Variants in TFCP2 observed in about 807,000 individuals in gnomAD.
TFCP2 encodes the protein transcription factor CP2.
In TFCP2, 33 loss-of-function variants were observed where a neutral mutation model predicts 73.4. That is an observed-to-expected ratio of 0.45 (90% CI 0.34 to 0.60). The LOEUF is 0.60. Ranked by LOEUF, TFCP2 falls within the 20% of genes least tolerant of loss-of-function variation. The pLI is 0.01. For synonymous variants in TFCP2, 193 were observed against 211.6 expected, an observed-to-expected ratio of 0.91 and a Z score of 0.76; for missense variants, 352 against 604.0, an observed-to-expected ratio of 0.58 and a Z score of 4.37.
At chr12:51,132,665 G>A (rs374225931) in intron 1 of TFCP2, among the ~76,000 whole-genome samples, 88 of 152,064 alleles carry the variant, frequency 5.8e-4, no homozygotes, top group African/African-American at 1.7e-3. Context: ...CACCGTGCCC[G>A]GCCGGGTCTA....
Position 51,093,938 on chromosome 12 carries a change from A to C in TFCP2, c.*1303T>G, listed in dbSNP as rs1939891263. 6.6e-6 allele frequency: 1 copy of C among 151,914 alleles called. No homozygotes were observed. The highest frequency in any genetic ancestry group is 6.6e-5 in the Admixed American group (1 of 15,224). The allele number at this position is 151,914 out of a possible 1,614,324, so 9.4% of individuals were successfully genotyped here. A position where few individuals can be genotyped will look rare whatever the true frequency, so the allele number is the denominator to read the frequency against. ...AACCTGTAAAAGTATTTCTAGATAA[A>C]ACTTTACAAGTGAAGAAAGAAAACC... On this transcript the variant is annotated 3_prime_UTR_variant, in exon 15 of 15. Transcript: ENST00000257915.
intron 1 of TFCP2, among the ~76,000 whole-genome samples, chr12:51,120,199 A>C (rs1452311318): frequency 6.7e-6 from 1 of 149,998 alleles, no homozygotes; most frequent in African/African-American, 2.4e-5. Flanking sequence ...AAAAAAAAAA[A>C]AAGAACAACA....
chr12:51,150,359 A>C (rs944732454), intron 1 of TFCP2, among the ~76,000 whole-genome samples: 1 of 152,162 alleles, frequency 6.6e-6, no homozygotes, highest in Non-Finnish European at 1.5e-5. Flanking sequence ...CGGAGGTTGC[A>C]GTGAGCCGAG....
chr12:51,102,208 A>G (rs951508346), intron 10 of TFCP2, among the ~76,000 whole-genome samples, 183 bp from the exon 11 acceptor site: 1 of 152,062 alleles, frequency 6.6e-6, no homozygotes, highest in Non-Finnish European at 1.5e-5. Context: ...ATTCCCCCCA[A>G]TTAACCTCCC....
At chr12:51,131,071 T>C (rs1940933819) in intron 1 of TFCP2, among the ~76,000 whole-genome samples, 1 of 151,800 alleles carries the variant, frequency 6.6e-6, no homozygotes, top group Non-Finnish European at 1.5e-5. Flanking sequence ...GGCTCACGCC[T>C]GTAATCCCAG....
intron 1 of TFCP2, among the ~76,000 whole-genome samples, chr12:51,138,946 T>C (rs962501022): frequency 6.6e-6 from 1 of 152,190 alleles, no homozygotes; most frequent in Admixed American, 6.5e-5. Context: ...CCAGACCACA[T>C]TTCTGATGAA....
At chr12:51,132,980 C>T (rs1368336477) in intron 1 of TFCP2, among the ~76,000 whole-genome samples, 2 of 152,164 alleles carry the variant, frequency 1.3e-5, no homozygotes, top group Non-Finnish European at 2.9e-5. Flanking sequence ...CATGAGATGT[C>T]ATTGTTGTTT....
chr12:51,118,561 C>A (rs745555882), intron 2 of TFCP2, 60 bp downstream of exon 2: 144 of 1,572,460 alleles, frequency 9.2e-5, no homozygotes, highest in Non-Finnish European at 1.2e-4. Context: ...AACAAACAAA[C>A]AAAAAAATCA....
At chr12:51,101,262 T>G (rs1178301316) in intron 11 of TFCP2, among the ~76,000 whole-genome samples, 2 of 152,134 alleles carry the variant, frequency 1.3e-5, no homozygotes, top group Non-Finnish European at 2.9e-5. Flanking sequence ...CCAAGATTGC[T>G]CCACTGTACT....
intron 1 of TFCP2, among the ~76,000 whole-genome samples, chr12:51,150,207 C>T (rs1215433331): frequency 6.6e-6 from 1 of 152,080 alleles, no homozygotes; most frequent in Admixed American, 6.6e-5. Context: ...CACCTGAGGT[C>T]AGGAGTTTGA....
chr12:51,107,448 G>T, intron 6 of TFCP2, 102 bp from the exon 7 acceptor site: 1 of 869,186 alleles, frequency 1.2e-6, no homozygotes, highest in Non-Finnish European at 1.9e-6. Context: ...AAAATTGTAT[G>T]TGCAGTGATG....
At chr12:51,150,756 T>C (rs2640526) in intron 1 of TFCP2, among the ~76,000 whole-genome samples, 125,231 of 152,216 alleles carry the variant, frequency 0.82, 54,109 homozygotes, top group Non-Finnish European at 0.97. Context: ...TGAAGAGAGA[T>C]AGTTGCCTCA....
At chr12:51,115,669 T>C (rs1180530043) in intron 4 of TFCP2, among the ~76,000 whole-genome samples, 1 of 152,220 alleles carries the variant, frequency 6.6e-6, no homozygotes. Context: ...ATGGGATGAA[T>C]GGATAAACAA....
chr12:51,137,469 T>C (rs1030137543), intron 1 of TFCP2, among the ~76,000 whole-genome samples: 2 of 152,158 alleles, frequency 1.3e-5, no homozygotes, highest in Non-Finnish European at 2.9e-5. Context: ...CAAAGAAATC[T>C]GAATCAGCAA....
chr12:51,113,467 T>A (rs1037551649), intron 4 of TFCP2, among the ~76,000 whole-genome samples: 8 of 152,164 alleles, frequency 5.3e-5, no homozygotes, highest in African/African-American at 1.9e-4. Context: ...TAGCTTCTAA[T>A]ACCAGAACTC....
intron 1 of TFCP2, chr12:51,125,100 C>T (rs759724586): frequency 5.3e-6 from 4 of 753,650 alleles, no homozygotes; most frequent in African/African-American, 1.7e-5. Context: ...GGTGAAGATG[C>T]GAGGAAGCTG....
chr12:51,120,469 G>A (rs1030379867), intron 1 of TFCP2, among the ~76,000 whole-genome samples: 2 of 152,112 alleles, frequency 1.3e-5, no homozygotes, highest in Non-Finnish European at 2.9e-5. Flanking sequence ...GGGATGACTT[G>A]GAAGGTATAT....
At chr12:51,117,215 A>G (rs1940549201) in intron 3 of TFCP2, among the ~76,000 whole-genome samples, 2 of 152,000 alleles carry the variant, frequency 1.3e-5, no homozygotes, top group South Asian at 4.1e-4. Flanking sequence ...TCCTCCCACC[A>G]CCTTTTGACA....
intron 1 of TFCP2, among the ~76,000 whole-genome samples, chr12:51,132,525 T>G (rs1220115395): frequency 6.6e-6 from 1 of 151,636 alleles, no homozygotes; most frequent in Non-Finnish European, 1.5e-5. Context: ...TGTACCACCA[T>G]GTCTGGCTAA....
Sources: gnomAD v4.1 joint callset for allele counts (sites outside exome capture counted in the v4.1 genomes callset) on GRCh38, gnomAD v4.1.1 for gene constraint, MANE v1.5 for transcripts, NCBI Gene and HGNC (gene_info 2026-07-23, HGNC 2026-07-21) for gene names.